The following TAS2R16 variants were observed in gnomAD, a reference collection of about 807,000 sequenced individuals.
TAS2R16 encodes taste 2 receptor member 16, also known as taste receptor type 2 member 16.
TAS2R16 carries 5 observed loss-of-function variants against 5.0 expected under a neutral mutation model. The observed-to-expected ratio is 1.00, with a 90% CI of 0.52 to 2.11. The LOEUF (loss-of-function observed/expected upper bound fraction) is 2.11. TAS2R16 is among the 30% of genes most tolerant of loss of function. The pLI, the probability that TAS2R16 is intolerant of heterozygous loss-of-function variation, is 0.01. For missense variants in TAS2R16, 363 were observed against 341.3 expected (o/e 1.06, Z -0.50); for synonymous variants, 142 against 123.3 (o/e 1.15, Z -1.00).
In TAS2R16 at chr7:122,995,138, A is replaced by T; in HGVS notation, c.497T>A (p.Val166Glu). ...ATGAAAATTTTCAAGTTTGTCAGTTACAGTGCTGTTTCTTGGTAGATGCTC... is the reference window on the plus strand; with the variant it reads ...ATGAAAATTTTCAAGTTTGTCAGTTTCAGTGCTGTTTCTTGGTAGATGCTC... ...TMEHLPRNST[V>E]TDKLENFHQY... Residue 166 changes from valine (V) to glutamate (E), a missense_variant, in exon 1 of 1, where the codon GTA becomes GAA. Physicochemically the swap from Val to Glu is moderately radical, Grantham distance 121. Coordinates refer to ENST00000249284, the MANE Select transcript of TAS2R16 (RefSeq NM_016945.3). 1 of 1,613,926 alleles carries T rather than the reference A, an allele frequency of 6.2e-7. No homozygotes were observed. Among genetic ancestry groups the T allele is most frequent in the South Asian group, 1.1e-5 (1 of 91,078 alleles).
Position 122,995,422 on chromosome 7 carries a change from A to G in TAS2R16, c.213T>C (p.Tyr71=). 6.2e-7 allele frequency: 1 copy of G among 1,613,694 alleles called. No homozygotes were observed. Among genetic ancestry groups the G allele is most frequent in the Non-Finnish European group, 8.5e-7 (1 of 1,179,838 alleles). ...WASMLNNFCS[Y]FNLNYVLCNL... ...TGCAAAGTACATAATTCAAATTAAAATAGGAGCAAAAATTGTTCAGCATTG... is the reference window on the plus strand; with the variant it reads ...TGCAAAGTACATAATTCAAATTAAAGTAGGAGCAAAAATTGTTCAGCATTG... Residue 71 remains tyrosine, a synonymous_variant, in exon 1 of 1, where the codon TAT becomes TAC. Transcript: ENST00000249284.
rs748693777 is a variant in TAS2R16, at chr7:122,995,316, C to G, written c.319G>C (p.Val107Leu). The G allele has an allele frequency of 3.1e-6, 5 of 1,613,498 alleles. No individual in the cohort carries two copies. Among genetic ancestry groups the G allele is most frequent in the South Asian group, 1.1e-5 (1 of 91,076 alleles). ...AAGATGTGATGGGTGAAAGAAGAGACCTTGATGCAGTAGAACACGGTAAGC... is the reference window on the plus strand; with the variant it reads ...AAGATGTGATGGGTGAAAGAAGAGAGCTTGATGCAGTAGAACACGGTAAGC... ...SLLTVFYCIK[V>L]SSFTHHIFLW... The change falls in exon 1 of 1, where the codon GTC becomes CTC. Residue 107 changes from valine (V) to leucine (L), a missense_variant. Physicochemically the swap from Val to Leu is conservative, Grantham distance 32 (BLOSUM62 1). Coordinates refer to ENST00000249284, the MANE Select transcript of TAS2R16 (RefSeq NM_016945.3).
chr7:122,995,306 AAAG>A lies in TAS2R16; in HGVS notation c.326_328del (p.Ser109del), dbSNP rs1397587854. On this transcript the variant is annotated inframe_deletion, in exon 1 of 1. Coordinates refer to ENST00000249284, the MANE Select transcript of TAS2R16 (RefSeq NM_016945.3). ...CAGCCAGAGAAAGATGTGATGGGTG[AAAG>A]AAGAGACCTTGATGCAGTAGAACAC... 1.9e-6 allele frequency: 3 copies of A among 1,613,726 alleles called. No homozygotes were observed. The highest frequency in any genetic ancestry group is 2.2e-5 in the South Asian group (2 of 91,078).
Position 122,995,425 on chromosome 7 carries a change from G to A in TAS2R16, c.210C>T (p.Ser70=), listed in dbSNP as rs762765929. Residue 70 remains serine (S), a synonymous_variant, in exon 1 of 1, where the codon TCC becomes TCT. Coordinates refer to ENST00000249284, the MANE Select transcript of TAS2R16 (RefSeq NM_016945.3). The part of the protein sequence containing the change: ...QWASMLNNFC[S]YFNLNYVLCN... Reference sequence around the variant, plus strand: ...AAAGTACATAATTCAAATTAAAATAGGAGCAAAAATTGTTCAGCATTGATG... The same window carrying A: ...AAAGTACATAATTCAAATTAAAATAAGAGCAAAAATTGTTCAGCATTGATG... 1.2e-6 allele frequency: 2 copies of A among 1,613,514 alleles called. No individual in the cohort carries two copies. Among genetic ancestry groups the A allele is most frequent in the South Asian group, 2.2e-5 (2 of 91,042 alleles).
Position 122,994,951 on chromosome 7 carries a change from G to T in TAS2R16, c.684C>A (p.Ser228=). 1.2e-6 allele frequency: 2 copies of T among 1,613,682 alleles called. No individual in the cohort carries two copies. The highest frequency in any genetic ancestry group is 1.7e-6 in the Non-Finnish European group (2 of 1,179,820). The change falls in exon 1 of 1, where the codon TCC becomes TCA. Residue 228 remains serine (S), a synonymous_variant. Coordinates refer to ENST00000249284, the MANE Select transcript of TAS2R16 (RefSeq NM_016945.3). The part of the protein sequence containing the change: ...SMKARFTALR[S]LAVLFIVFTS... Reference sequence around the variant, plus strand: ...TAAACACAATAAATAAGACGGCAAGGGACCTCAGGGCAGTGAAGCGCGCTT... The same window carrying T: ...TAAACACAATAAATAAGACGGCAAGTGACCTCAGGGCAGTGAAGCGCGCTT...
Position 122,994,901 on chromosome 7 carries a change from A to G in TAS2R16, c.734T>C (p.Ile245Thr), listed in dbSNP as rs1222225314. 4 of 1,613,566 alleles carry G rather than the reference A, an allele frequency of 2.5e-6. No individual in the cohort carries two copies. In the Admixed American group the frequency reaches 6.7e-5, roughly 27 times the overall value. ...VFTSYFLTIL[I>T]TIIGTLFDKR... ...ATCAAATAGAGTACCTATAATGGTG[A>G]TGAGTATGGTTAGAAAGTAAGAGGT... Residue 245 changes from isoleucine (I) to threonine (T), a missense_variant, in exon 1 of 1, where the codon ATC (isoleucine) becomes ACC (threonine). Transcript: ENST00000249284.
chr7:122,994,846 AG>A, the TAS2R16 span: 1 of 1,613,364 alleles, frequency 6.2e-7, no homozygotes, highest in Non-Finnish European at 8.5e-7. Flanking sequence ...CATAGACAAA[AG>A]CTTCCCAGAC....
the TAS2R16 span, chr7:122,995,273 CTCCACCTCAGCCA>C: frequency 6.2e-7 from 1 of 1,613,586 alleles, no homozygotes; most frequent in African/African-American, 1.3e-5. Context: ...CCTCAAAATT[CTCCACCTCAGCCA>C]GAGAAAGATG....
chr7:122,995,187 T>C lies in TAS2R16; in HGVS notation c.448A>G (p.Ile150Val), dbSNP rs1268090703. 6.2e-7 allele frequency: 1 copy of C among 1,613,740 alleles called. No homozygotes were observed. Among genetic ancestry groups the C allele is most frequent in the Admixed American group, 1.7e-5 (1 of 59,970 alleles). The change falls in exon 1 of 1, where the codon ATT becomes GTT. Residue 150 changes from isoleucine (I) to valine (V), a missense_variant. By Grantham distance (29) the Ile-to-Val change is conservative (BLOSUM62 3). Coordinates refer to ENST00000249284, the MANE Select transcript of TAS2R16 (RefSeq NM_016945.3). ...TCCATGGTGAGTAACTGAATTTGAA[T>C]GTAATTCCCAATAGCTGAAGGGATG... ...TIIPSAIGNY[I>V]QIQLLTMEHL...
At position 122,994,798 on chromosome 7, in the gene TAS2R16, G is replaced by T; in HGVS notation, c.837C>A (p.Ser279Arg). The T allele has an allele frequency of 6.2e-7, 1 of 1,601,892 alleles. No individual in the cohort carries two copies. The change falls in exon 1 of 1, where the codon AGC becomes AGA. Residue 279 changes from serine (S) to arginine (R), a missense_variant. By Grantham distance (110) the Ser-to-Arg change is moderately radical. Coordinates refer to ENST00000249284, the MANE Select transcript of TAS2R16 (RefSeq NM_016945.3). ...ILMHSTSLMLSSPTLKRILKG... is the reference protein window; with the variant it reads ...ILMHSTSLMLRSPTLKRILKG... ...TTAGAATCCTTTTCAACGTAGGGCTGCTCAGCATCAGTGAAGTGGAATGCA... is the reference window on the plus strand; with the variant it reads ...TTAGAATCCTTTTCAACGTAGGGCTTCTCAGCATCAGTGAAGTGGAATGCA...
At position 122,994,842 on chromosome 7, in the gene TAS2R16, C is replaced by A; in HGVS notation, c.793G>T (p.Val265Phe). 1 of 1,613,124 alleles carries A rather than the reference C, an allele frequency of 6.2e-7. No individual in the cohort carries two copies. Among genetic ancestry groups the A allele is most frequent in the Non-Finnish European group, 8.5e-7 (1 of 1,179,588 alleles). The stretch of plus-strand genomic sequence containing the variant: ...GAATGCATTAAGATGAAAGCATAGA[C>A]AAAAGCTTCCCAGACCCATAACCAA... ...RCWLWVWEAF[V>F]YAFILMHSTS... Residue 265 changes from valine (V) to phenylalanine (F), a missense_variant, in exon 1 of 1, where the codon GTC (valine) becomes TTC (phenylalanine). Transcript: ENST00000249284.
At position 122,994,768 on chromosome 7, in the gene TAS2R16, T is replaced by C; in HGVS notation, c.867A>G (p.Gly289=). The C allele has an allele frequency of 6.4e-7, 1 of 1,567,642 alleles. No individual in the cohort carries two copies. Among genetic ancestry groups the C allele is most frequent in the Non-Finnish European group, 8.6e-7 (1 of 1,161,038 alleles). Residue 289 remains glycine (G), a synonymous_variant, in exon 1 of 1, where the codon GGA becomes GGG. Transcript: ENST00000249284. ...SSPTLKRILK[G]KC is the part of the protein sequence containing the mutation. ...CAGGCAACCTCTAGGCCTAGCACTTTCCCTTTAGAATCCTTTTCAACGTAG... is the reference window on the plus strand; with the variant it reads ...CAGGCAACCTCTAGGCCTAGCACTTCCCCTTTAGAATCCTTTTCAACGTAG...
Position 122,994,856 on chromosome 7 carries a change from A to G in TAS2R16, c.779T>C (p.Val260Ala). 6.2e-7 allele frequency: 1 copy of G among 1,613,588 alleles called. No individual in the cohort carries two copies. The highest frequency in any genetic ancestry group is 8.5e-7 in the Non-Finnish European group (1 of 1,179,742). ...GAAAGCATAGACAAAAGCTTCCCAGACCCATAACCAACATCTCTTATCAAA... is the reference window on the plus strand; with the variant it reads ...GAAAGCATAGACAAAAGCTTCCCAGGCCCATAACCAACATCTCTTATCAAA... ...TLFDKRCWLW[V>A]WEAFVYAFIL... Residue 260 changes from valine (V) to alanine (A), a missense_variant, in exon 1 of 1, where the codon GTC becomes GCC. Coordinates refer to ENST00000249284, the MANE Select transcript of TAS2R16 (RefSeq NM_016945.3).
Position 122,995,638 on chromosome 7 carries a change from T to C in TAS2R16, c.-4A>G. 1 of 1,534,078 alleles carries C rather than the reference T, an allele frequency of 6.5e-7. No individual in the cohort carries two copies. The highest frequency in any genetic ancestry group is 8.8e-7 in the Non-Finnish European group (1 of 1,142,772). On this transcript the variant is annotated 5_prime_UTR_variant, in exon 1 of 1. Coordinates refer to ENST00000249284, the MANE Select transcript of TAS2R16 (RefSeq NM_016945.3). ...CAGTGAGTTGGATGGGTATCATTCT[T>C]CTACTCCAAAGTGTCTTCCTGGACA... is the stretch of plus-strand genomic sequence containing the variant.
Position 122,995,657 on chromosome 7 carries a change from C to G in TAS2R16, c.-23G>C. 1.3e-6 allele frequency: 2 copies of G among 1,518,642 alleles called. No individual in the cohort carries two copies. Among genetic ancestry groups the G allele is most frequent in the Non-Finnish European group, 1.8e-6 (2 of 1,135,686 alleles). The allele number at this position is 1,518,642 out of a possible 1,614,324, so 94.1% of individuals were successfully genotyped here. ...CATTCTTCTACTCCAAAGTGTCTTC[C>G]TGGACAAAGACTCTGAATCTCTGTA... On this transcript the variant is annotated 5_prime_UTR_variant, in exon 1 of 1. Transcript: ENST00000249284.
Position 122,995,479 on chromosome 7 carries a change from C to T in TAS2R16, c.156G>A (p.Leu52=), listed in dbSNP as rs963685783. Residue 52 remains leucine (L), a synonymous_variant, in exon 1 of 1, where the codon CTG becomes CTA. Coordinates refer to ENST00000249284, the MANE Select transcript of TAS2R16 (RefSeq NM_016945.3). ...LMPVDMILIS[L]GISRFCLQWA... is the part of the protein sequence containing the mutation. ...ACTGTAGACAGAAGCGAGAGATGCC[C>T]AGGCTGATGAGAATCATGTCCACAG... The T allele has an allele frequency of 1.2e-6, 2 of 1,613,722 alleles. No homozygotes were observed. Among genetic ancestry groups the T allele is most frequent in the Admixed American group, 3.3e-5 (2 of 59,976 alleles).
the TAS2R16 span, chr7:122,995,323 GC>G: frequency 6.2e-7 from 1 of 1,613,576 alleles, no homozygotes; most frequent in Non-Finnish European, 8.5e-7. Flanking sequence ...AGACCTTGAT[GC>G]AGTAGAACAC....
the TAS2R16 span, chr7:122,995,450 GC>G: frequency 1.2e-6 from 2 of 1,613,770 alleles, no homozygotes; most frequent in Non-Finnish European, 1.7e-6. Flanking sequence ...CAGCATTGAT[GC>G]CCACTGTAGA....
chr7:122,994,899 T>A lies in TAS2R16; in HGVS notation c.736A>T (p.Thr246Ser). ...FTSYFLTILITIIGTLFDKRC... is the reference protein window; with the variant it reads ...FTSYFLTILISIIGTLFDKRC... The stretch of plus-strand genomic sequence containing the variant: ...TTATCAAATAGAGTACCTATAATGG[T>A]GATGAGTATGGTTAGAAAGTAAGAG... Residue 246 changes from threonine (T) to serine (S), a missense_variant, in exon 1 of 1, where the codon ACC becomes TCC. Physicochemically the swap from Thr to Ser is moderately conservative, Grantham distance 58. Transcript: ENST00000249284. The A allele has an allele frequency of 6.2e-7, 1 of 1,613,424 alleles. No homozygotes were observed. Among genetic ancestry groups the A allele is most frequent in the South Asian group, 1.1e-5 (1 of 91,030 alleles).
Sources: allele counts gnomAD v4.1 joint callset, GRCh38; gene constraint gnomAD v4.1.1; transcripts MANE v1.5; gene names NCBI Gene and HGNC (gene_info 2026-07-23, HGNC 2026-07-21).